Variants in PRR5L observed in about 807,000 individuals in gnomAD.
PRR5L encodes proline rich 5 like.
In PRR5L, 21 loss-of-function variants were observed where a neutral mutation model predicts 36.4. That is an observed-to-expected ratio of 0.58 (90% CI 0.41 to 0.83). The LOEUF is 0.83. Among genes scored for constraint, PRR5L ranks in the 40% least tolerant of loss-of-function variants. PRR5L has a pLI of 0.00. For missense variants in PRR5L, 381 were observed against 473.3 expected, an observed-to-expected ratio of 0.80 and a Z score of 1.81; for synonymous variants, 188 against 197.0, an observed-to-expected ratio of 0.95 and a Z score of 0.38.
At chr11:36,353,861 G>A (rs1199786281) in intron 1 of PRR5L, among the ~76,000 whole-genome samples, 2 of 152,154 alleles carry the variant, frequency 1.3e-5, no homozygotes, top group East Asian at 1.9e-4. Context: ...GCTGCCTGGG[G>A]GTTGGGGACC....
At chr11:36,374,520 T>C (rs1857233698) in intron 1 of PRR5L, among the ~76,000 whole-genome samples, 1 of 151,372 alleles carries the variant, frequency 6.6e-6, no homozygotes, top group African/African-American at 2.4e-5. Flanking sequence ...ATAGGTGGAA[T>C]AGGGTAGGTC....
intron 1 of PRR5L, chr11:36,381,759 G>T (rs1410429040): frequency 1.3e-5 from 2 of 152,026 alleles, no homozygotes; most frequent in Non-Finnish European, 1.5e-5. Flanking sequence ...AAAACATCTC[G>T]CAGGCTGAAT....
intron 5 of PRR5L, among the ~76,000 whole-genome samples, chr11:36,435,434 G>A (rs1035423016): frequency 1.6e-4 from 24 of 152,110 alleles, no homozygotes; most frequent in South Asian, 6.2e-4. Flanking sequence ...AATCTGCAGC[G>A]GGGTGGTTTG....
rs1474537559 is a variant in PRR5L, at chr11:36,336,140, C to CCATT, written c.-126+39703_-126+39706dup. Among the ~76,000 whole-genome samples, 3 of 152,176 alleles carry CCATT rather than the reference C, an allele frequency of 2.0e-5. 1 individual carries two copies. The highest frequency in any genetic ancestry group is 4.8e-5 in the African/African-American group (2 of 41,436). On this transcript the variant is annotated intron_variant, in intron 1 of 8. Transcript: ENST00000530639. ...TGTGGCTGATTTTGTATCACCCTCA[C>CCATT]CATTTTTGCCATATCTGCCAACCAA...
intron 1 of PRR5L, among the ~76,000 whole-genome samples, chr11:36,391,950 C>T (rs1454785374): frequency 6.6e-6 from 1 of 152,130 alleles, no homozygotes; most frequent in Non-Finnish European, 1.5e-5. Flanking sequence ...ATTTAACATC[C>T]CCCCTTCCTC....
chr11:36,384,647 T>G (rs537520011), intron 1 of PRR5L, among the ~76,000 whole-genome samples: 16 of 131,168 alleles, frequency 1.2e-4, no homozygotes, highest in Non-Finnish European at 4.8e-5. Flanking sequence ...TTTCTCCTCT[T>G]TTCTTTTTCT....
intron 3 of PRR5L, among the ~76,000 whole-genome samples, chr11:36,418,613 G>A (rs1311034940): frequency 3.3e-5 from 5 of 151,946 alleles, no homozygotes; most frequent in African/African-American, 9.7e-5. Context: ...TGGCTAACAT[G>A]GTGAAACTCT....
chr11:36,446,046 T>C (rs1458621238), intron 6 of PRR5L, among the ~76,000 whole-genome samples: 1 of 152,236 alleles, frequency 6.6e-6, no homozygotes, highest in Non-Finnish European at 1.5e-5. Flanking sequence ...CTTATAATAG[T>C]GTGGCCCTGA....
At chr11:36,424,544 G>A (rs190844452) in intron 4 of PRR5L, among the ~76,000 whole-genome samples, 24 of 152,356 alleles carry the variant, frequency 1.6e-4, no homozygotes, top group Non-Finnish European at 1.9e-4. Context: ...GTGGGCATGA[G>A]AAGTAGAAAC....
chr11:36,455,365 G>C (rs1301694329), intron 8 of PRR5L: 1 of 152,936 alleles, frequency 6.5e-6, no homozygotes, highest in African/African-American at 2.4e-5. Context: ...GCATCTCTCT[G>C]GGGGTTTGAA....
chr11:36,306,153 G>A (rs1856429224), intron 1 of PRR5L, among the ~76,000 whole-genome samples: 1 of 151,978 alleles, frequency 6.6e-6, no homozygotes, highest in African/African-American at 2.4e-5. Context: ...CAACGCGCAG[G>A]TTTGATACAT....
chr11:36,330,705 C>T (rs928893754), intron 1 of PRR5L, among the ~76,000 whole-genome samples: 2 of 152,282 alleles, frequency 1.3e-5, no homozygotes, highest in East Asian at 1.9e-4. Flanking sequence ...ATTTCATTGT[C>T]TCTGTGACAT....
chr11:36,404,278 T>TTTTTTTTTG (rs1857864099), intron 3 of PRR5L, among the ~76,000 whole-genome samples: 2 of 149,932 alleles, frequency 1.3e-5, no homozygotes, highest in African/African-American at 5.0e-5. Flanking sequence ...CTTTTTTTTT[T>TTTTTTTTTG]TTTTTTTTTT....
intron 7 of PRR5L, among the ~76,000 whole-genome samples, chr11:36,450,600 T>G (rs1024312050): frequency 2.6e-5 from 4 of 152,208 alleles, no homozygotes; most frequent in Admixed American, 1.3e-4. Context: ...TCAAAAAGAA[T>G]TATCCCTTTC....
intron 1 of PRR5L, among the ~76,000 whole-genome samples, chr11:36,308,217 T>C (rs1168812072): frequency 6.6e-6 from 1 of 152,344 alleles, no homozygotes; most frequent in East Asian, 1.9e-4. Context: ...ATTGTGAAAC[T>C]CAGTAGCCTG....
intron 1 of PRR5L, among the ~76,000 whole-genome samples, chr11:36,368,224 T>C (rs1213572286): frequency 6.6e-6 from 1 of 151,892 alleles, no homozygotes; most frequent in African/African-American, 2.4e-5. Flanking sequence ...ATAAACCAGG[T>C]CTGAAAATTT....
At chr11:36,376,647 G>T in intron 1 of PRR5L, 1 of 995,462 alleles carries the variant, frequency 1.0e-6, no homozygotes, top group Non-Finnish European at 1.2e-6. Context: ...AGTCTGGGGC[G>T]GAGGCGAGCG....
In PRR5L at chr11:36,462,818, C is replaced by A; in HGVS notation, c.*82C>A. The A allele has an allele frequency of 1.5e-6, 2 of 1,326,024 alleles. No individual in the cohort carries two copies. The highest frequency in any genetic ancestry group is 2.0e-6 in the Non-Finnish European group (2 of 980,956). 82.1% of individuals were successfully genotyped at this position (1,326,024 alleles called of 1,614,324 possible). On this transcript the variant is annotated 3_prime_UTR_variant, in exon 9 of 9. Transcript: ENST00000530639. ...CATCTCCGTGGATTACTGAGGGGGGCTCTTGCTTTATGCGATGCTGCCTTA... is the reference window on the plus strand; with the variant it reads ...CATCTCCGTGGATTACTGAGGGGGGATCTTGCTTTATGCGATGCTGCCTTA...
At chr11:36,346,420 A>G (rs1276552195) in intron 1 of PRR5L, among the ~76,000 whole-genome samples, 1 of 152,118 alleles carries the variant, frequency 6.6e-6, no homozygotes, top group Non-Finnish European at 1.5e-5. Flanking sequence ...CGGCTCAACT[A>G]AAAATACAAA....
Sources: gnomAD v4.1 joint callset for allele counts (sites outside exome capture counted in the v4.1 genomes callset) on GRCh38, gnomAD v4.1.1 for gene constraint, MANE v1.5 for transcripts, NCBI Gene and HGNC (gene_info 2026-07-23, HGNC 2026-07-21) for gene names.